ALCAM: variants seen among roughly 807,000 people sequenced by gnomAD.
The protein encoded by ALCAM is CD166 antigen.
A neutral mutation model predicts 70.9 loss-of-function variants in ALCAM; 30 were observed. That is an observed-to-expected ratio of 0.42 (90% CI 0.32 to 0.57). ALCAM has a LOEUF of 0.57. Among genes scored for constraint, ALCAM ranks in the 20% least tolerant of loss-of-function variants. The probability of loss-of-function intolerance (pLI) is 0.11; values close to 1 mark genes in which losing one functional copy is unlikely to be tolerated. For missense variants in ALCAM, 591 were observed against 695.1 expected, an observed-to-expected ratio of 0.85 and a Z score of 1.68; for synonymous variants, 249 against 242.5, an observed-to-expected ratio of 1.03 and a Z score of -0.25.
chr3:105,552,250 A>G, intron 13 of ALCAM, 68 bp downstream of exon 13: 1 of 1,474,722 alleles, frequency 6.8e-7, no homozygotes, highest in African/African-American at 1.4e-5. Context: ...GTCATGGTAT[A>G]AGTAATTTTC....
intron 1 of ALCAM, among the ~76,000 whole-genome samples, chr3:105,426,922 C>T (rs1936804201): frequency 6.6e-6 from 1 of 151,692 alleles, no homozygotes; most frequent in African/African-American, 2.4e-5. Flanking sequence ...CACAACTTAA[C>T]AAAATATAGG....
At position 105,534,713 on chromosome 3, in the gene ALCAM, A is replaced by G; in HGVS notation, c.598A>G (p.Thr200Ala). 6.2e-7 allele frequency: 1 copy of G among 1,613,818 alleles called. No individual in the cohort carries two copies. The highest frequency in any genetic ancestry group is 1.1e-5 in the South Asian group (1 of 91,082). The change falls in exon 6 of 16, where the codon ACC becomes GCC. Residue 200 changes from threonine to alanine, a missense_variant. By Grantham distance (58) the Thr-to-Ala change is moderately conservative. This residue lies in a region of ALCAM where 427 missense variants were observed against 450.4 expected (regional missense o/e 0.95). Coordinates refer to ENST00000306107, the MANE Select transcript of ALCAM (RefSeq NM_001627.4). The stretch of plus-strand genomic sequence containing the variant: ...AATGGACCCAGTGACTCAGCTCTAT[A>G]CCATGACTTCCACCCTGGAGTACAA... ...KEMDPVTQLY[T>A]MTSTLEYKTT...
chr3:105,477,734 A>T (rs1378211456), intron 1 of ALCAM, among the ~76,000 whole-genome samples: 1 of 152,064 alleles, frequency 6.6e-6, no homozygotes, highest in African/African-American at 2.4e-5. Context: ...AACTTTTGGT[A>T]TCAATGCTCA....
chr3:105,524,147 G>A (rs893995198), intron 2 of ALCAM, 142 bp from the exon 3 acceptor site: 32 of 704,692 alleles, frequency 4.5e-5, no homozygotes, highest in South Asian at 2.8e-4. Context: ...AAATATTTAC[G>A]TGAGACTTGT....
At chr3:105,409,068 G>A (rs1936321227) in intron 1 of ALCAM, among the ~76,000 whole-genome samples, 1 of 152,076 alleles carries the variant, frequency 6.6e-6, no homozygotes, top group Non-Finnish European at 1.5e-5. Context: ...AATGGATGCA[G>A]TGAAAAGGGA....
intron 1 of ALCAM, among the ~76,000 whole-genome samples, chr3:105,489,247 C>T (rs566672130): frequency 5.9e-5 from 9 of 152,116 alleles, no homozygotes; most frequent in African/African-American, 1.9e-4. Flanking sequence ...TATCAAAATT[C>T]GGATTCAGTA....
At chr3:105,428,151 A>G (rs1443663148) in intron 1 of ALCAM, among the ~76,000 whole-genome samples, 1 of 151,974 alleles carries the variant, frequency 6.6e-6, no homozygotes, top group Non-Finnish European at 1.5e-5. Context: ...CTGTGTAAAT[A>G]CCCCATGACT....
chr3:105,437,718 T>TG (rs1183157395), intron 1 of ALCAM, among the ~76,000 whole-genome samples: 1 of 80,646 alleles, frequency 1.2e-5, no homozygotes, highest in East Asian at 1.3e-3. Context: ...TAATCTAACG[T>TG]GGAAAATTTT....
chr3:105,453,479 TGTA>T (rs1937484152), intron 1 of ALCAM, among the ~76,000 whole-genome samples: 1 of 152,232 alleles, frequency 6.6e-6, no homozygotes, highest in African/African-American at 2.4e-5. Flanking sequence ...ACTGGAGCCT[TGTA>T]GTATAGTTTG....
intron 1 of ALCAM, among the ~76,000 whole-genome samples, chr3:105,439,640 C>T (rs1422484947): frequency 6.6e-6 from 1 of 152,076 alleles, no homozygotes; most frequent in Non-Finnish European, 1.5e-5. Context: ...GAAGTTCTAC[C>T]ATTCTGAATT....
At chr3:105,533,963 G>A (rs1460229849) in intron 5 of ALCAM, among the ~76,000 whole-genome samples, 1 of 152,102 alleles carries the variant, frequency 6.6e-6, no homozygotes, top group African/African-American at 2.4e-5. Flanking sequence ...ATCAGTGAGA[G>A]CCCAGAGCTT....
At chr3:105,491,610 G>T (rs1227430687) in intron 1 of ALCAM, among the ~76,000 whole-genome samples, 1 of 152,128 alleles carries the variant, frequency 6.6e-6, no homozygotes, top group African/African-American at 2.4e-5. Flanking sequence ...AATTTCTCCT[G>T]CCAGATAACC....
intron 1 of ALCAM, among the ~76,000 whole-genome samples, chr3:105,506,285 ACAC>A (rs1939075914): frequency 6.6e-6 from 1 of 152,242 alleles, no homozygotes; most frequent in South Asian, 2.1e-4. Flanking sequence ...TGTTGTAAAT[ACAC>A]AGAGAGGTAG....
chr3:105,547,108 T>G, intron 9 of ALCAM, 41 bp from the exon 10 acceptor site: 2 of 1,480,104 alleles, frequency 1.4e-6, no homozygotes, highest in Non-Finnish European at 1.8e-6. Context: ...CTGAGAATTT[T>G]AATTCTGCCA....
At chr3:105,420,665 A>G (rs1284428865) in intron 1 of ALCAM, among the ~76,000 whole-genome samples, 1 of 151,674 alleles carries the variant, frequency 6.6e-6, no homozygotes, top group African/African-American at 2.4e-5. Context: ...GAGAAAGTCT[A>G]CCATGTTCCA....
intron 14 of ALCAM, among the ~76,000 whole-genome samples, chr3:105,555,372 G>C (rs1162298172): frequency 1.3e-5 from 2 of 152,000 alleles, no homozygotes; most frequent in African/African-American, 4.8e-5. Flanking sequence ...CTTCAGATTT[G>C]CTGAGTGCTT....
chr3:105,486,076 T>C (rs1198460486), intron 1 of ALCAM, among the ~76,000 whole-genome samples: 1 of 152,060 alleles, frequency 6.6e-6, no homozygotes, highest in Non-Finnish European at 1.5e-5. Context: ...ATTAACTAAA[T>C]CATTAAAAGG....
intron 11 of ALCAM, among the ~76,000 whole-genome samples, chr3:105,549,452 A>T (rs1027751189): frequency 2.0e-5 from 3 of 151,486 alleles, no homozygotes; most frequent in African/African-American, 7.3e-5. Flanking sequence ...CCGAGAAAAG[A>T]GTGCAAGTAC....
At chr3:105,421,708 T>C (rs1936655635) in intron 1 of ALCAM, among the ~76,000 whole-genome samples, 1 of 151,480 alleles carries the variant, frequency 6.6e-6, no homozygotes, top group Non-Finnish European at 1.5e-5. Context: ...TTAAGAAAAT[T>C]TCTAAAAGAA....
Sources: gnomAD v4.1 joint callset for allele counts (sites outside exome capture counted in the v4.1 genomes callset) on GRCh38, gnomAD v4.1.1 for gene constraint, gnomAD v4.1.1 regional missense constraint, MANE v1.5 for transcripts, NCBI Gene and HGNC (gene_info 2026-07-23, HGNC 2026-07-21) for gene names.